Variants in CMIP observed in about 807,000 individuals in gnomAD.
CMIP encodes the protein c-Maf inducing protein.
Under a neutral mutation model 97.3 loss-of-function variants are expected in CMIP, and 13 were observed. The ratio of observed to expected loss-of-function variants is 0.13; its 90% CI spans 0.09 to 0.21. CMIP has a LOEUF of 0.21. CMIP is among the 10% of genes least tolerant of loss of function. CMIP has a pLI of 1.00. For synonymous variants in CMIP, 538 were observed against 436.3 expected, an observed-to-expected ratio of 1.23 and a Z score of -2.91; for missense variants, 847 against 1,024.9, an observed-to-expected ratio of 0.83 and a Z score of 2.37.
chr16:81,567,105 A>G (rs1398069425), intron 1 of CMIP, among the ~76,000 whole-genome samples: 1 of 152,222 alleles, frequency 6.6e-6, no homozygotes, highest in Non-Finnish European at 1.5e-5. Flanking sequence ...TCCTGCACCC[A>G]GAGACAAGCA....
intron 8 of CMIP, among the ~76,000 whole-genome samples, 185 bp from the exon 9 acceptor site, chr16:81,671,781 G>A (rs982661545): frequency 4.6e-5 from 7 of 152,220 alleles, no homozygotes; most frequent in Non-Finnish European, 7.3e-5. Flanking sequence ...CTGCCTGCAC[G>A]TGGCACAGCC....
At chr16:81,490,224 G>A (rs190193133) in intron 1 of CMIP, among the ~76,000 whole-genome samples, 24 of 152,322 alleles carry the variant, frequency 1.6e-4, no homozygotes, top group African/African-American at 5.1e-4. Context: ...TGCTCCTACT[G>A]TGTGCAAGGA....
At chr16:81,590,434 G>A (rs2091449540) in intron 1 of CMIP, among the ~76,000 whole-genome samples, 1 of 152,184 alleles carries the variant, frequency 6.6e-6, no homozygotes, top group Non-Finnish European at 1.5e-5. Context: ...CCTTGTCCGG[G>A]GTCCTGGCAG....
At chr16:81,503,540 A>T (rs185189857) in intron 1 of CMIP, among the ~76,000 whole-genome samples, 1 of 152,104 alleles carries the variant, frequency 6.6e-6, no homozygotes, top group East Asian at 1.9e-4. Flanking sequence ...GGGACCATAG[A>T]TACATGCCAC....
chr16:81,651,369 G>C (rs1021880525), intron 3 of CMIP: 1 of 955,466 alleles, frequency 1.0e-6, no homozygotes, highest in Non-Finnish European at 1.2e-6. Flanking sequence ...CTCAAATCCA[G>C]GGAGGCAGCA....
At chr16:81,506,539 A>G (rs2089711920) in intron 1 of CMIP, among the ~76,000 whole-genome samples, 1 of 152,260 alleles carries the variant, frequency 6.6e-6, no homozygotes, top group African/African-American at 2.4e-5. Context: ...TGGAAATAAC[A>G]ATCAGTAATG....
intron 4 of CMIP, among the ~76,000 whole-genome samples, chr16:81,656,132 C>T (rs1187440996): frequency 6.6e-6 from 1 of 152,228 alleles, no homozygotes; most frequent in Non-Finnish European, 1.5e-5. Flanking sequence ...TCCAACCTCA[C>T]CTAGGTCAGG....
intron 9 of CMIP, among the ~76,000 whole-genome samples, chr16:81,673,007 A>T (rs560449166): frequency 6.6e-6 from 1 of 152,344 alleles, no homozygotes; most frequent in African/African-American, 2.4e-5. Flanking sequence ...GTGCAAGATC[A>T]TGTCAGAGGG....
intron 2 of CMIP, among the ~76,000 whole-genome samples, chr16:81,615,892 T>G (rs1049924662): frequency 2.6e-5 from 4 of 152,180 alleles, no homozygotes; most frequent in Non-Finnish European, 5.9e-5. Context: ...GATGGAAAGA[T>G]GCTCATTGTT....
At chr16:81,658,837 C>G (rs1289170895) in intron 5 of CMIP, among the ~76,000 whole-genome samples, 1 of 152,234 alleles carries the variant, frequency 6.6e-6, no homozygotes, top group Admixed American at 6.5e-5. Flanking sequence ...ACAAGAGCAG[C>G]ATCAGTCACT....
At chr16:81,637,399 T>C (rs2092250492) in intron 3 of CMIP, among the ~76,000 whole-genome samples, 1 of 152,126 alleles carries the variant, frequency 6.6e-6, no homozygotes, top group Non-Finnish European at 1.5e-5. Context: ...TCTAAGACAT[T>C]AACTGTCTTT....
chr16:81,562,774 C>T (rs961628348), intron 1 of CMIP, among the ~76,000 whole-genome samples: 2 of 152,092 alleles, frequency 1.3e-5, no homozygotes, highest in African/African-American at 2.4e-5. Context: ...CAGTGAGGGA[C>T]GTAAATATTT....
At chr16:81,579,789 C>A (rs1254212825) in intron 1 of CMIP, among the ~76,000 whole-genome samples, 1 of 152,138 alleles carries the variant, frequency 6.6e-6, no homozygotes, top group Non-Finnish European at 1.5e-5. Context: ...CCCGTCTCTA[C>A]TGAAAAATAC....
Position 81,468,505 on chromosome 16 carries a change from G to C in CMIP, c.300+22964G>C, listed in dbSNP as rs185446867. ...GATATGCCCCAGGCCTCTCGCAGGGGCCTGCGCGTGCCGTGCCCTCTGTGC... is the reference window on the plus strand; with the variant it reads ...GATATGCCCCAGGCCTCTCGCAGGGCCCTGCGCGTGCCGTGCCCTCTGTGC... On this transcript the variant is annotated intron_variant, in intron 1 of 20. Transcript: ENST00000537098. Among the ~76,000 whole-genome samples the C allele has an allele frequency of 1.9e-4, 29 of 152,400 alleles. No homozygotes were observed. The East Asian group carries it at 3.1e-3, about 16-fold the overall frequency.
In CMIP at chr16:81,614,585, G is replaced by C. The variant is rs2091882382; in HGVS notation, c.427-6291G>C. Among the ~76,000 whole-genome samples, 1 of 152,092 alleles carries C rather than the reference G, an allele frequency of 6.6e-6. No individual in the cohort carries two copies. The highest frequency in any genetic ancestry group is 2.1e-4 in the South Asian group (1 of 4,814). Reference sequence around the variant, plus strand: ...TGGAGGAAAGGTTGGGTTAGACCTGGGTCCTTAAGCCGTGGTCCATGGTAG... The same window carrying C: ...TGGAGGAAAGGTTGGGTTAGACCTGCGTCCTTAAGCCGTGGTCCATGGTAG... On this transcript the variant is annotated intron_variant, in intron 2 of 20. Coordinates refer to ENST00000537098, the MANE Select transcript of CMIP (RefSeq NM_198390.3). The surrounding 1 kb of genome is among the most constrained non-coding windows in gnomAD (Gnocchi z 5.3).
At chr16:81,676,763 A>G (rs1259916115) in intron 9 of CMIP, among the ~76,000 whole-genome samples, 1 of 152,176 alleles carries the variant, frequency 6.6e-6, no homozygotes. Flanking sequence ...ATGGGGTTCA[A>G]GTTCTGCACA....
At chr16:81,473,481 A>G (rs1373011543) in intron 1 of CMIP, among the ~76,000 whole-genome samples, 1 of 143,330 alleles carries the variant, frequency 7.0e-6, no homozygotes, top group Middle Eastern at 3.2e-3. Context: ...TCTTTTTAAA[A>G]TAGGTCTTTT....
chr16:81,489,503 G>A (rs1419627162), intron 1 of CMIP, among the ~76,000 whole-genome samples: 1 of 152,230 alleles, frequency 6.6e-6, no homozygotes, highest in Non-Finnish European at 1.5e-5. Context: ...TCCTTTGTGA[G>A]TCCCTCTTTC....
chr16:81,449,592 A>G (rs749201803), intron 1 of CMIP, among the ~76,000 whole-genome samples: 1 of 151,462 alleles, frequency 6.6e-6, no homozygotes, highest in Non-Finnish European at 1.5e-5. Context: ...CTTTTGTTAC[A>G]TACCCCCCTT....
Sources: allele counts gnomAD v4.1 joint callset (sites outside exome capture counted in the v4.1 genomes callset), GRCh38; gene constraint gnomAD v4.1.1; non-coding constraint Gnocchi (gnomAD v3.1); transcripts MANE v1.5; gene names NCBI Gene and HGNC (gene_info 2026-07-23, HGNC 2026-07-21).